The following MAD2L2 variants were observed in gnomAD, a reference collection of about 807,000 sequenced individuals.
The protein encoded by MAD2L2 is mitotic spindle assembly checkpoint protein MAD2B.
Under a neutral mutation model 30.5 loss-of-function variants are expected in MAD2L2, and 17 were observed. That is an observed-to-expected ratio of 0.56 (90% CI 0.38 to 0.84). The LOEUF is 0.84. MAD2L2 is among the 40% of genes least tolerant of loss of function. MAD2L2 has a pLI of 0.00. For synonymous variants in MAD2L2, 101 were observed against 113.9 expected (o/e 0.89, Z 0.72); for missense variants, 213 against 277.4 (o/e 0.77, Z 1.65).
chr1:11,687,292 G>A lies in MAD2L2; in HGVS notation c.-692+4121C>T, dbSNP rs911288515. Among the ~76,000 whole-genome samples the A allele has an allele frequency of 6.6e-6, 1 of 152,026 alleles. No individual in the cohort carries two copies. Among genetic ancestry groups the A allele is most frequent in the Non-Finnish European group, 1.5e-5 (1 of 68,010 alleles). Reference sequence around the variant, plus strand: ...TCTCTCTCTGCCACCCAGGCTGGAGGGCGGTGGTGCAATCTCGGCTCAATG... The same window carrying A: ...TCTCTCTCTGCCACCCAGGCTGGAGAGCGGTGGTGCAATCTCGGCTCAATG... On this transcript the variant is annotated intron_variant, in intron 1 of 10. Coordinates refer to the MAD2L2 transcript ENST00000235310. The surrounding 1 kb of genome is among the most constrained non-coding windows in gnomAD (Gnocchi z 4.1).
Position 11,688,142 on chromosome 1 carries a change from C to G in MAD2L2, c.-692+3271G>C, listed in dbSNP as rs1640994827. Among the ~76,000 whole-genome samples the G allele has an allele frequency of 6.6e-6, 1 of 152,190 alleles. No homozygotes were observed. The highest frequency in any genetic ancestry group is 1.5e-5 in the Non-Finnish European group (1 of 68,026). ...CAGCTCTATCCTTGGCGACGCAAATCATGCTGGCTGCACACTGCCCCCTCT... is the reference window on the plus strand; with the variant it reads ...CAGCTCTATCCTTGGCGACGCAAATGATGCTGGCTGCACACTGCCCCCTCT... On this transcript the variant is annotated intron_variant, in intron 1 of 10. Coordinates refer to the MAD2L2 transcript ENST00000235310. The surrounding 1 kb of genome is among the most constrained non-coding windows in gnomAD (Gnocchi z 4.6).
chr1:11,691,701 C>G (rs1469250851), upstream of MAD2L2: 2 of 150,012 alleles, frequency 1.3e-5, no homozygotes, highest in East Asian at 4.0e-4. Flanking sequence ...CCCACTCCCC[C>G]TTCCTTCCAG....
intron 7 of MAD2L2, 22 bp downstream of exon 7, chr1:11,675,630 GCCCAGA>G: frequency 6.2e-7 from 1 of 1,608,690 alleles, no homozygotes; most frequent in South Asian, 1.1e-5. Flanking sequence ...TAGAGCCTGC[GCCCAGA>G]CCCAGACCCA....
intron 3 of MAD2L2, among the ~76,000 whole-genome samples, chr1:11,679,615 A>C (rs1351583658): frequency 6.7e-6 from 1 of 148,376 alleles, no homozygotes; most frequent in African/African-American, 2.6e-5. Context: ...CAACCTCTGC[A>C]TCCCGGGTTC....
chr1:11,680,458 C>T lies in MAD2L2; in HGVS notation c.54G>A (p.Val18=), dbSNP rs2100712458. 6.2e-7 allele frequency: 1 copy of T among 1,613,856 alleles called. No individual in the cohort carries two copies. The highest frequency in any genetic ancestry group is 1.3e-5 in the African/African-American group (1 of 75,050). Residue 18 remains valine, a synonymous_variant, in exon 3 of 9, where the codon GTG becomes GTA. Transcript: ENST00000376692. The part of the protein sequence containing the change: ...DLNFGQVVAD[V]LCEFLEVAVH... ...CAGCCACCTCCAGGAACTCGCAGAG[C>T]ACATCGGCCACCACTGCAGGGGGGC...
rs72869757 is a variant in MAD2L2 at position 11,687,783 on chromosome 1, C to G, written c.-692+3630G>C. On this transcript the variant is annotated intron_variant, in intron 1 of 10. Coordinates refer to the MAD2L2 transcript ENST00000235310. This position sits in a 1 kb window ranked among gnomAD's most constrained non-coding sequence, Gnocchi z 4.1. ...TAATGTTTTCAAGATTCATCCAGGTCGAATCACATATTGATACTTCATTCC... is the reference window on the plus strand; with the variant it reads ...TAATGTTTTCAAGATTCATCCAGGTGGAATCACATATTGATACTTCATTCC... 2.0e-5 allele frequency among the ~76,000 whole-genome samples: 3 copies of G among 152,188 alleles called. No homozygotes were observed. The highest frequency in any genetic ancestry group is 2.9e-5 in the Non-Finnish European group (2 of 68,048).
intron 3 of MAD2L2, among the ~76,000 whole-genome samples, chr1:11,678,185 T>C (rs998551977): frequency 1.3e-5 from 2 of 151,150 alleles, no homozygotes; most frequent in Non-Finnish European, 1.5e-5. Flanking sequence ...GAGGATGAGG[T>C]GGGTGGATCA....
At chr1:11,678,118 GAAGAT>G (rs1640804038) in intron 3 of MAD2L2, among the ~76,000 whole-genome samples, 1 of 150,248 alleles carries the variant, frequency 6.7e-6, no homozygotes, top group South Asian at 2.1e-4. Flanking sequence ...AAAGAAGTTA[GAAGAT>G]AAGAACTCAG....
intron 1 of MAD2L2, among the ~76,000 whole-genome samples, chr1:11,689,509 T>G (rs917067611): frequency 6.6e-6 from 1 of 151,968 alleles, no homozygotes; most frequent in African/African-American, 2.4e-5. Context: ...GGCAGGAGAA[T>G]TGCTTGAACC....
chr1:11,677,670 C>A, intron 3 of MAD2L2, 56 bp from the exon 4 acceptor site: 1 of 1,453,078 alleles, frequency 6.9e-7, no homozygotes, highest in Non-Finnish European at 9.6e-7. Context: ...GGAAACCACC[C>A]AACACAACCA....
At chr1:11,677,754 C>T (rs1640796020) in intron 3 of MAD2L2, 140 bp from the exon 4 acceptor site, 2 of 663,062 alleles carry the variant, frequency 3.0e-6, no homozygotes, top group South Asian at 1.8e-5. Flanking sequence ...GGAGACCCCA[C>T]TTTCCCTCAA....
intron 6 of MAD2L2, 141 bp downstream of exon 6, chr1:11,675,905 G>T: frequency 1.1e-6 from 1 of 895,420 alleles, no homozygotes. Flanking sequence ...GAATCAATCA[G>T]GGAAGCTTCC....
In MAD2L2 at chr1:11,674,626, C is replaced by T; in HGVS notation, c.*149G>A. The T allele has an allele frequency of 1.3e-6, 1 of 768,882 alleles. No homozygotes were observed. The highest frequency in any genetic ancestry group is 2.2e-6 in the Non-Finnish European group (1 of 464,102). The allele number at this position is 768,882 out of a possible 1,614,324, so 47.6% of individuals were successfully genotyped here. A position where few individuals can be genotyped will look rare whatever the true frequency, so the allele number is the denominator to read the frequency against. On this transcript the variant is annotated 3_prime_UTR_variant, in exon 9 of 9. Coordinates refer to ENST00000376692, the MANE Select transcript of MAD2L2 (RefSeq NM_006341.4). This position sits in a 1 kb window ranked among gnomAD's most constrained non-coding sequence, Gnocchi z 6.1. ...CCTCCTGGGGGAGGCATCCTCCAAG[C>T]AGACCTGAGCGGCCCCGGGCTGGGG...
At chr1:11,681,903 G>C (rs1640887226), upstream of MAD2L2, 1 of 152,220 alleles carries the variant, frequency 6.6e-6, no homozygotes, top group Admixed American at 6.5e-5. Flanking sequence ...CTCCCAGCTG[G>C]TGGGGTGGGC....
intron 1 of MAD2L2, among the ~76,000 whole-genome samples, chr1:11,689,966 G>C (rs1193144458): frequency 6.6e-6 from 1 of 151,702 alleles, no homozygotes; most frequent in East Asian, 1.9e-4. Context: ...TGGCTCTTCT[G>C]CTTGCAAGTC....
rs115021206 is a variant in MAD2L2 at position 11,688,881 on chromosome 1, C to A, written c.-692+2532G>T. ...CAGTAAGGAAGCCTGTCAAAACCCA[C>A]CAAAAGCAAGATGGCCACGAGACCA... is the stretch of plus-strand genomic sequence containing the variant. On this transcript the variant is annotated intron_variant, in intron 1 of 10. Transcript: ENST00000235310. This position sits in a 1 kb window ranked among gnomAD's most constrained non-coding sequence, Gnocchi z 4.6. 0.021 allele frequency among the ~76,000 whole-genome samples: 3,149 copies of A among 152,288 alleles called. 104 individuals are homozygous for A. Among genetic ancestry groups the A allele is most frequent in the African/African-American group, 0.071 (2,948 of 41,556 alleles).
chr1:11,675,280 G>A lies in MAD2L2; in HGVS notation c.502-106C>T, dbSNP rs182656645. On this transcript the variant is annotated intron_variant, in intron 7 of 8. Transcript: ENST00000376692. ...CCAGGGGCCTCCAACCTGAGCCTCA[G>A]AATCACTAGGAAGCTGTTGGTGATG... 5.7e-4 allele frequency: 409 copies of A among 717,636 alleles called. 2 individuals are homozygous for A. The highest frequency in any genetic ancestry group is 4.8e-3 in the Middle Eastern group (13 of 2,726). The allele number at this position is 717,636 out of a possible 1,614,324, so 44.5% of individuals were successfully genotyped here. A position where few individuals can be genotyped will look rare whatever the true frequency, so the allele number is the denominator to read the frequency against.
In MAD2L2 at chr1:11,688,823, A is replaced by C. The variant is rs965387622; in HGVS notation, c.-692+2590T>G. On this transcript the variant is annotated intron_variant, in intron 1 of 10. Transcript: ENST00000235310. This position sits in a 1 kb window ranked among gnomAD's most constrained non-coding sequence, Gnocchi z 4.6. ...GAGACAGGAGATCAGCACAAGATACAGGTCATAAAGACCTTGCTGATAAAA... is the reference window on the plus strand; with the variant it reads ...GAGACAGGAGATCAGCACAAGATACCGGTCATAAAGACCTTGCTGATAAAA... Among the ~76,000 whole-genome samples the C allele has an allele frequency of 6.6e-6, 1 of 152,194 alleles. No homozygotes were observed. The highest frequency in any genetic ancestry group is 1.5e-5 in the Non-Finnish European group (1 of 68,034).
In MAD2L2 at chr1:11,675,941, G is replaced by A. The variant is rs746069242; in HGVS notation, c.427+105C>T. ...CAGAGGAGGTGGACTCTCAGGGTTA[G>A]GAAGAGATGAGTCTCAGAACAGCCA... is the stretch of plus-strand genomic sequence containing the variant. On this transcript the variant is annotated intron_variant, in intron 6 of 8. Coordinates refer to ENST00000376692, the MANE Select transcript of MAD2L2 (RefSeq NM_006341.4). The A allele has an allele frequency of 6.9e-6, 7 of 1,019,502 alleles. No homozygotes were observed. In the South Asian group the frequency reaches 9.1e-5, roughly 13 times the overall value. The allele number at this position is 1,019,502 out of a possible 1,614,324, so 63.2% of individuals were successfully genotyped here. A position where few individuals can be genotyped will look rare whatever the true frequency, so the allele number is the denominator to read the frequency against.
Sources: allele counts gnomAD v4.1 joint callset (sites outside exome capture counted in the v4.1 genomes callset), GRCh38; gene constraint gnomAD v4.1.1; non-coding constraint Gnocchi (gnomAD v3.1); transcripts MANE v1.5; gene names NCBI Gene and HGNC (gene_info 2026-07-23, HGNC 2026-07-21).